MIAT: variants seen among roughly 807,000 people sequenced by gnomAD.
The protein encoded by MIAT is myocardial infarction associated transcript.
chr22:26,656,992 G>A (rs1484708344), intron 2 of MIAT, among the ~76,000 whole-genome samples: 1 of 152,276 alleles, frequency 6.6e-6, no homozygotes, highest in Non-Finnish European at 1.5e-5. Context: ...CACGCATGAA[G>A]TTAACAGTTA....
At chr22:26,660,799 C>G (rs11912702) in intron 2 of MIAT, 21,087 of 152,248 alleles carry the variant, frequency 0.14, 1,512 homozygotes, top group African/African-American at 0.14. Context: ...GAAAGAGAAG[C>G]AGCTGAGAGT....
exon 4 of MIAT, chr22:26,665,979 T>C (rs887505914): frequency 7.5e-6 from 3 of 398,516 alleles, no homozygotes; most frequent in Non-Finnish European, 1.3e-5. Flanking sequence ...GTTTCAGCAC[T>C]TTGTGATCAT....
chr22:26,676,291 T>G, exon 5 of MIAT: 1 of 398,582 alleles, frequency 2.5e-6, no homozygotes, highest in Non-Finnish European at 4.4e-6. Context: ...GAAAAGATGT[T>G]TGTTTTCCAT....
intron 1 of MIAT, chr22:26,646,976 G>T (rs569589450): frequency 7.5e-6 from 3 of 398,382 alleles, no homozygotes; most frequent in South Asian, 1.3e-4. Context: ...CCCTGAAAGG[G>T]GACTGCATTT....
intron 2 of MIAT, among the ~76,000 whole-genome samples, chr22:26,654,147 C>T (rs528615635): frequency 3.9e-4 from 60 of 152,268 alleles, no homozygotes; most frequent in Middle Eastern, 3.4e-3. Context: ...CTTGGTTTTG[C>T]TAGCTCTTTA....
chr22:26,669,113 G>A (rs2146017273), exon 6 of MIAT: 4 of 398,668 alleles, frequency 1.0e-5, no homozygotes, highest in Middle Eastern at 6.3e-4. Context: ...GAAGGTGGCA[G>A]GACAGGCCCC....
At chr22:26,659,920 C>G (rs1018062345) in intron 2 of MIAT, among the ~76,000 whole-genome samples, 1 of 147,062 alleles carries the variant, frequency 6.8e-6, no homozygotes, top group Non-Finnish European at 1.5e-5. Context: ...ACTGTAACCT[C>G]CACCTCCTGG....
chr22:26,650,673 G>C, intron 2 of MIAT, among the ~76,000 whole-genome samples: 1 of 152,180 alleles, frequency 6.6e-6, no homozygotes, highest in East Asian at 1.9e-4. Context: ...GTTGACCATG[G>C]CATTGATCCT....
intron 2 of MIAT, among the ~76,000 whole-genome samples, chr22:26,647,897 G>A (rs1322502389): frequency 2.6e-5 from 4 of 152,078 alleles, no homozygotes; most frequent in South Asian, 2.1e-4. Flanking sequence ...TGTGGGGGCC[G>A]TGGGAGAAGG....
intron 2 of MIAT, among the ~76,000 whole-genome samples, chr22:26,661,155 G>A (rs976586922): frequency 3.3e-5 from 5 of 152,170 alleles, no homozygotes; most frequent in African/African-American, 1.2e-4. Flanking sequence ...GGGGCATTGG[G>A]TCCATTGTGC....
At chr22:26,663,164 CCTT>C (rs779360585) in intron 2 of MIAT, among the ~76,000 whole-genome samples, 169 of 152,316 alleles carry the variant, frequency 1.1e-3, no homozygotes, top group Non-Finnish European at 1.2e-3. Flanking sequence ...CAAAATACCT[CCTT>C]GTTTCCTGTT....
chr22:26,661,935 T>TATGGATCTATATAGATCC (rs1930684623), intron 2 of MIAT, among the ~76,000 whole-genome samples: 1 of 27,748 alleles, frequency 3.6e-5, no homozygotes, highest in Non-Finnish European at 6.4e-5. Context: ...TATATATATA[T>TATGGATCTATATAGATCC]ATATATATAT....
At chr22:26,670,328 C>T, downstream of MIAT, 1 of 398,340 alleles carries the variant, frequency 2.5e-6, no homozygotes, top group East Asian at 3.6e-5. Flanking sequence ...GGGTTTGAAC[C>T]TTTAGGATTT....
chr22:26,659,840 C>CTTTCTTTT (rs1249099894), intron 2 of MIAT, among the ~76,000 whole-genome samples: 2,099 of 94,814 alleles, frequency 0.022, 25 homozygotes, highest in Non-Finnish European at 0.032. Context: ...TTCTTTCTTT[C>CTTTCTTTT]TTTTTTTTTT....
downstream of MIAT, chr22:26,672,533 G>A (rs917711733): frequency 2.5e-6 from 1 of 399,352 alleles, no homozygotes; most frequent in East Asian, 3.6e-5. Context: ...ACGTGAGTGT[G>A]GAGGCCTGTT....
downstream of MIAT, chr22:26,671,038 G>T (rs985667495): frequency 2.5e-6 from 1 of 398,372 alleles, no homozygotes; most frequent in Non-Finnish European, 4.4e-6. Flanking sequence ...TGATGGAAGA[G>T]ATGTCTACTA....
downstream of MIAT, chr22:26,673,530 TC>T (rs1426073099): frequency 1.0e-5 from 4 of 398,624 alleles, no homozygotes; most frequent in Non-Finnish European, 1.8e-5. Context: ...CCTGGTCTGT[TC>T]CTTTCAGCAG....
At chr22:26,649,081 T>TGA (rs148505081) in intron 2 of MIAT, among the ~76,000 whole-genome samples, 11 of 150,824 alleles carry the variant, frequency 7.3e-5, no homozygotes, top group East Asian at 1.9e-4. Flanking sequence ...CATACTAATG[T>TGA]GAGAGAGAGA....
At chr22:26,659,678 TAAATA>T (rs976140192) in intron 2 of MIAT, among the ~76,000 whole-genome samples, 30 of 151,098 alleles carry the variant, frequency 2.0e-4, no homozygotes, top group African/African-American at 6.8e-4. Flanking sequence ...GTCTCTAAAA[TAAATA>T]AGTAAAAATA....
Sources: allele counts gnomAD v4.1 joint callset (sites outside exome capture counted in the v4.1 genomes callset), GRCh38; gene constraint gnomAD v4.1.1; transcripts MANE v1.5; gene names NCBI Gene and HGNC (gene_info 2026-07-23, HGNC 2026-07-21).